Variants in CCSER1 observed in about 807,000 individuals in gnomAD.
CCSER1 encodes coiled-coil serine rich protein 1.
A neutral mutation model predicts 82.0 loss-of-function variants in CCSER1; 41 were observed. The ratio of observed to expected loss-of-function variants is 0.50; its 90% CI spans 0.39 to 0.65. The LOEUF (loss-of-function observed/expected upper bound fraction) is 0.65. CCSER1 is among the 30% of genes least tolerant of loss of function. The pLI is 0.00. For missense variants in CCSER1, 1,119 were observed against 1,064.2 expected, an observed-to-expected ratio of 1.05 and a Z score of -0.72; for synonymous variants, 414 against 383.9, an observed-to-expected ratio of 1.08 and a Z score of -0.92.
chr4:91,045,622 T>A (rs1231475852), intron 9 of CCSER1, among the ~76,000 whole-genome samples: 1 of 152,232 alleles, frequency 6.6e-6, no homozygotes, highest in Non-Finnish European at 1.5e-5. Flanking sequence ...GGTGTATCTC[T>A]ATTCCATAAT....
At chr4:90,510,504 A>G (rs1410176425) in intron 5 of CCSER1, among the ~76,000 whole-genome samples, 1 of 152,246 alleles carries the variant, frequency 6.6e-6, no homozygotes, top group Non-Finnish European at 1.5e-5. Flanking sequence ...ATCACATATG[A>G]GACAAAGAAA....
intron 9 of CCSER1, among the ~76,000 whole-genome samples, chr4:91,070,553 C>T (rs560549278): frequency 1.3e-3 from 199 of 152,244 alleles, no homozygotes; most frequent in Non-Finnish European, 2.4e-3. Context: ...CTGGAGATGA[C>T]CAGTAGGCAA....
At chr4:90,267,342 T>C (rs1236733863) in intron 1 of CCSER1, among the ~76,000 whole-genome samples, 14 of 151,942 alleles carry the variant, frequency 9.2e-5, no homozygotes. Context: ...GAGAACTAGG[T>C]AGATTCCTAA....
chr4:90,955,091 G>A (rs1040013058), intron 9 of CCSER1, among the ~76,000 whole-genome samples: 2 of 151,984 alleles, frequency 1.3e-5, no homozygotes, highest in Admixed American at 6.6e-5. Context: ...TGTTACCATC[G>A]AACGTGTTCG....
At chr4:90,267,345 A>G (rs541853895) in intron 1 of CCSER1, among the ~76,000 whole-genome samples, 2 of 152,152 alleles carry the variant, frequency 1.3e-5, no homozygotes, top group South Asian at 4.1e-4. Context: ...AACTAGGTAG[A>G]TTCCTAAGGT....
intron 10 of CCSER1, among the ~76,000 whole-genome samples, chr4:91,463,355 G>T (rs961975895): frequency 6.6e-6 from 1 of 152,112 alleles, no homozygotes; most frequent in Non-Finnish European, 1.5e-5. Context: ...AACCCCATCT[G>T]GACGTCACCA....
In CCSER1 at chr4:90,777,224, G is replaced by C. The variant is rs1196097373; in HGVS notation, c.2011-38538G>C. Among the ~76,000 whole-genome samples the C allele has an allele frequency of 2.6e-5, 4 of 151,996 alleles. No homozygotes were observed. The East Asian group carries it at 7.8e-4, about 30-fold the overall frequency. On this transcript the variant is annotated intron_variant, in intron 7 of 10. Coordinates refer to ENST00000509176, the MANE Select transcript of CCSER1 (RefSeq NM_001145065.2). ...ATACAAAAATCAGCCAGGCGTGGTG[G>C]TGGGCGCCTGTAATCCCAGCTACTT...
intron 10 of CCSER1, among the ~76,000 whole-genome samples, chr4:91,164,325 G>T (rs1027598068): frequency 6.6e-6 from 1 of 152,140 alleles, no homozygotes; most frequent in Admixed American, 6.5e-5. Context: ...GCTTCCCTTT[G>T]TGGGTAACCC....
intron 9 of CCSER1, among the ~76,000 whole-genome samples, chr4:91,041,857 T>C (rs1741982524): frequency 6.6e-6 from 1 of 152,208 alleles, no homozygotes; most frequent in African/African-American, 2.4e-5. Context: ...AAAAGCATTG[T>C]GGATTTTTGC....
intron 1 of CCSER1, among the ~76,000 whole-genome samples, chr4:90,137,392 T>G (rs1242334990): frequency 6.6e-6 from 1 of 152,118 alleles, no homozygotes. Flanking sequence ...GGACCTGAAA[T>G]GGGAAGTTTT....
At chr4:91,292,337 A>G (rs1297499555) in intron 10 of CCSER1, among the ~76,000 whole-genome samples, 2 of 151,996 alleles carry the variant, frequency 1.3e-5, no homozygotes, top group African/African-American at 4.8e-5. Flanking sequence ...GCTTTGTATC[A>G]TTTTAAGGCA....
chr4:91,157,463 C>A (rs1408233038), intron 10 of CCSER1, among the ~76,000 whole-genome samples: 1 of 151,726 alleles, frequency 6.6e-6, no homozygotes, highest in East Asian at 1.9e-4. Context: ...TAGTATCTTT[C>A]TTTTATTTTC....
intron 8 of CCSER1, among the ~76,000 whole-genome samples, chr4:90,859,802 G>A (rs1320960285): frequency 6.6e-6 from 1 of 151,750 alleles, no homozygotes; most frequent in East Asian, 1.9e-4. Flanking sequence ...TATGAGATTA[G>A]GAATCAAAGT....
At chr4:90,953,479 A>G (rs990288251) in intron 9 of CCSER1, among the ~76,000 whole-genome samples, 25 of 151,658 alleles carry the variant, frequency 1.6e-4, no homozygotes, top group African/African-American at 5.5e-4. Context: ...TAGATAAATT[A>G]TTTATCCTAG....
At chr4:91,213,202 AT>A (rs992048791) in intron 10 of CCSER1, among the ~76,000 whole-genome samples, 4 of 151,324 alleles carry the variant, frequency 2.6e-5, no homozygotes, top group African/African-American at 4.9e-5. Context: ...CGTCAAGTGA[AT>A]TTTTTTTTAA....
At chr4:91,126,828 G>A (rs540903346) in intron 10 of CCSER1, among the ~76,000 whole-genome samples, 29 of 151,860 alleles carry the variant, frequency 1.9e-4, no homozygotes, top group Admixed American at 5.9e-4. Flanking sequence ...TTAACAGCAA[G>A]CACTCAACAA....
At chr4:90,307,223 G>T (rs992023471) in intron 1 of CCSER1, among the ~76,000 whole-genome samples, 7 of 151,964 alleles carry the variant, frequency 4.6e-5, no homozygotes. Context: ...CTCCTCACTC[G>T]TGTCCTCCTC....
At chr4:90,433,008 G>C (rs1758509916) in intron 4 of CCSER1, among the ~76,000 whole-genome samples, 1 of 152,048 alleles carries the variant, frequency 6.6e-6, no homozygotes, top group Non-Finnish European at 1.5e-5. Flanking sequence ...AACTTTGATA[G>C]TTTCATCAAA....
At chr4:91,096,317 AGGTGG>A (rs1008244266) in intron 10 of CCSER1, among the ~76,000 whole-genome samples, 5 of 152,038 alleles carry the variant, frequency 3.3e-5, no homozygotes, top group Non-Finnish European at 7.4e-5. Flanking sequence ...CACTTGGTAA[AGGTGG>A]GGCACTGTTG....
Sources: allele counts gnomAD v4.1 joint callset (sites outside exome capture counted in the v4.1 genomes callset), GRCh38; gene constraint gnomAD v4.1.1; transcripts MANE v1.5; gene names NCBI Gene and HGNC (gene_info 2026-07-23, HGNC 2026-07-21).